The following PRPF3 variants were observed in gnomAD, a reference collection of about 807,000 sequenced individuals.
The protein encoded by PRPF3 is U4/U6 small nuclear ribonucleoprotein Prp3.
PRPF3 carries 3 observed loss-of-function variants against 89.2 expected under a neutral mutation model. The ratio of observed to expected loss-of-function variants is 0.03; its 90% CI spans 0.02 to 0.09. The LOEUF is 0.09. Ranked by LOEUF, PRPF3 falls within the 10% of genes least tolerant of loss-of-function variation. The pLI is 1.00. For synonymous variants in PRPF3, 270 were observed against 289.1 expected (o/e 0.93, Z 0.67); for missense variants, 463 against 828.8 (o/e 0.56, Z 5.42).
At position 150,340,388 on chromosome 1, in the gene PRPF3, A is replaced by G. The variant is rs1337844716; in HGVS notation, c.1203-10A>G. 3 of 1,567,502 alleles carry G rather than the reference A, an allele frequency of 1.9e-6. No homozygotes were observed. The highest frequency in any genetic ancestry group is 2.6e-6 in the Non-Finnish European group (3 of 1,137,918). ...GCATATCGTGTTTTCTTTTCTTCCT[A>G]CAATTTTAGTACAGAGGAAAATCCC... On this transcript the variant is annotated splice_polypyrimidine_tract_variant and intron_variant, in intron 8 of 15. Transcript: ENST00000324862.
intron 8 of PRPF3, among the ~76,000 whole-genome samples, chr1:150,340,189 T>A (rs1657539810): frequency 6.6e-6 from 1 of 152,094 alleles, no homozygotes; most frequent in Non-Finnish European, 1.5e-5. Context: ...CTGTGGAGAG[T>A]GTGTTCAACC....
chr1:150,348,048 G>A (rs1658470917), intron 14 of PRPF3, among the ~76,000 whole-genome samples: 1 of 152,126 alleles, frequency 6.6e-6, no homozygotes, highest in African/African-American at 2.4e-5. Flanking sequence ...TCCCATTAGT[G>A]TTCATTCTTC....
Position 150,338,256 on chromosome 1 carries a change from G to C in PRPF3, c.1132G>C (p.Glu378Gln). 7 of 1,614,022 alleles carry C rather than the reference G, an allele frequency of 4.3e-6. No individual in the cohort carries two copies. Among genetic ancestry groups the C allele is most frequent in the Non-Finnish European group, 5.9e-6 (7 of 1,179,964 alleles). ...GCTTGCCCTCATTGCTCCTAAGAAG[G>C]AGCTAAAGGAAGGAGATATTCCTGA... is the stretch of plus-strand genomic sequence containing the variant. ...TRLALIAPKK[E>Q]LKEGDIPEIE... The change falls in exon 8 of 16, where the codon GAG becomes CAG. Residue 378 changes from glutamate (E) to glutamine (Q), a missense_variant. By Grantham distance (29) the Glu-to-Gln change is conservative (BLOSUM62 2). Coordinates refer to ENST00000324862, the MANE Select transcript of PRPF3 (RefSeq NM_004698.4).
intron 8 of PRPF3, among the ~76,000 whole-genome samples, chr1:150,339,737 GTTTTT>G (rs71578484): frequency 9.1e-6 from 1 of 110,266 alleles, no homozygotes; most frequent in African/African-American, 3.7e-5. Flanking sequence ...CACGCCTGGC[GTTTTT>G]TTTTTTTTTT....
At chr1:150,322,480 C>G (rs587691581) in intron 1 of PRPF3, among the ~76,000 whole-genome samples, 8 of 152,298 alleles carry the variant, frequency 5.3e-5, no homozygotes, top group African/African-American at 1.9e-4. Context: ...CTTTCTATGG[C>G]ATCTGGATAT....
chr1:150,332,229 A>G (rs1188554063), intron 4 of PRPF3, among the ~76,000 whole-genome samples: 3 of 218 alleles, frequency 0.014, no homozygotes, highest in Non-Finnish European at 0.071. Flanking sequence ...ATCTCAAAAA[A>G]AAAAAAGAAA....
At chr1:150,336,647 T>C (rs1253559140) in intron 7 of PRPF3, among the ~76,000 whole-genome samples, 2 of 151,798 alleles carry the variant, frequency 1.3e-5, no homozygotes, top group East Asian at 3.9e-4. Flanking sequence ...TCCTAGCTAC[T>C]TGGGAGGCTG....
In PRPF3 at chr1:150,345,467, C is replaced by T. The variant is rs587650723; in HGVS notation, c.1641-551C>T. On this transcript the variant is annotated intron_variant, in intron 12 of 15. Coordinates refer to ENST00000324862, the MANE Select transcript of PRPF3 (RefSeq NM_004698.4). ...CCAAGTTCAAGCAATTCTCCTGCCT[C>T]AGCCTCCTGAGTAGCTAGGATTACA... 28 of 157,286 alleles carry T rather than the reference C, an allele frequency of 1.8e-4. No homozygotes were observed. The South Asian group carries it at 4.9e-3, about 28-fold the overall frequency. The allele number at this position is 157,286 out of a possible 1,614,324, so 9.7% of individuals were successfully genotyped here.
chr1:150,344,652 C>G lies in PRPF3; in HGVS notation c.1640+105C>G, dbSNP rs181425646. ...CCTAAAAGCATACCTAACACCAGTTCCTACTCTCTTTTAATGACCCTAGTG... is the reference window on the plus strand; with the variant it reads ...CCTAAAAGCATACCTAACACCAGTTGCTACTCTCTTTTAATGACCCTAGTG... On this transcript the variant is annotated intron_variant, in intron 12 of 15. Coordinates refer to ENST00000324862, the MANE Select transcript of PRPF3 (RefSeq NM_004698.4). 25 of 1,218,922 alleles carry G rather than the reference C, an allele frequency of 2.1e-5. No individual in the cohort carries two copies. In the Admixed American group the frequency reaches 2.2e-4, roughly 11 times the overall value. The allele number at this position is 1,218,922 out of a possible 1,614,324, so 75.5% of individuals were successfully genotyped here.
At chr1:150,332,924 T>C (rs1656576456) in intron 5 of PRPF3, 55 bp from the exon 6 acceptor site, 5 of 1,539,984 alleles carry the variant, frequency 3.2e-6, no homozygotes, top group African/African-American at 2.7e-5. Flanking sequence ...TGTGTATGTA[T>C]GTGTGTTTGT....
intron 6 of PRPF3, 84 bp from the exon 7 acceptor site, chr1:150,334,851 G>C (rs1158024439): frequency 6.6e-7 from 1 of 1,524,148 alleles, no homozygotes; most frequent in Non-Finnish European, 9.0e-7. Flanking sequence ...TTCCAGGCTT[G>C]AGCCACCACG....
At chr1:150,338,426 A>G in intron 8 of PRPF3, 100 bp downstream of exon 8, 5 of 1,165,876 alleles carry the variant, frequency 4.3e-6, no homozygotes, top group Non-Finnish European at 6.3e-6. Flanking sequence ...TTTAGTGGGA[A>G]GGATGGTACT....
intron 15 of PRPF3, among the ~76,000 whole-genome samples, chr1:150,349,580 TAAG>T (rs2102027056): frequency 6.6e-6 from 1 of 152,292 alleles, no homozygotes; most frequent in Non-Finnish European, 1.5e-5. Flanking sequence ...GTACTAGACT[TAAG>T]AATATAAAGT....
chr1:150,338,871 G>T (rs2101992738), intron 8 of PRPF3, among the ~76,000 whole-genome samples: 1 of 152,130 alleles, frequency 6.6e-6, no homozygotes, highest in Non-Finnish European at 1.5e-5. Context: ...TAGCTTTTGG[G>T]GTTAATGTAG....
intron 3 of PRPF3, 177 bp from the exon 4 acceptor site, chr1:150,328,143 G>T (rs1655922717): frequency 1.6e-6 from 1 of 640,648 alleles, no homozygotes; most frequent in African/African-American, 1.8e-5. Flanking sequence ...TTAGGAGAAT[G>T]TTGAAGTTGG....
chr1:150,343,346 T>G lies in PRPF3; in HGVS notation c.1320T>G (p.Leu440=). 1 of 1,546,942 alleles carries G rather than the reference T, an allele frequency of 6.5e-7. No individual in the cohort carries two copies. Among genetic ancestry groups the G allele is most frequent in the South Asian group, 1.1e-5 (1 of 90,298 alleles). Residue 440 remains leucine, a synonymous_variant, in exon 10 of 16, where the codon CTT becomes CTG. Transcript: ENST00000324862. The part of the protein sequence containing the change: ...NDTPVTLGVY[L]TKKEQKKLRR... ...CACCAGTTACTCTGGGAGTATATCT[T>G]ACCAAGAAGGAACAGAAAAAACTTC...
intron 9 of PRPF3, 147 bp downstream of exon 9, chr1:150,340,624 T>A: frequency 1.4e-6 from 1 of 712,406 alleles, no homozygotes; most frequent in Non-Finnish European, 2.5e-6. Flanking sequence ...GTTTTTTTCC[T>A]GACAATAGTT....
At chr1:150,334,603 T>G (rs782555669) in intron 6 of PRPF3, among the ~76,000 whole-genome samples, 8 of 152,174 alleles carry the variant, frequency 5.3e-5, no homozygotes, top group Non-Finnish European at 1.0e-4. Flanking sequence ...GATTACAGTG[T>G]GAGCCACCAC....
chr1:150,342,926 A>G (rs1486450325), intron 9 of PRPF3, among the ~76,000 whole-genome samples: 1 of 152,186 alleles, frequency 6.6e-6, no homozygotes. Context: ...ACCTTGGCCT[A>G]TCAAAGTGCT....
Sources: allele counts gnomAD v4.1 joint callset (sites outside exome capture counted in the v4.1 genomes callset), GRCh38; gene constraint gnomAD v4.1.1; transcripts MANE v1.5; gene names NCBI Gene and HGNC (gene_info 2026-07-23, HGNC 2026-07-21).